Variants in SYTL5 observed in about 807,000 individuals in gnomAD.
The protein encoded by SYTL5 is synaptotagmin like 5, also known as synaptotagmin-like protein 5.
A neutral mutation model predicts 55.9 loss-of-function variants in SYTL5; 34 were observed. That is an observed-to-expected ratio of 0.61 (90% confidence interval 0.46 to 0.81). The LOEUF (loss-of-function observed/expected upper bound fraction) is 0.81. Ranked by LOEUF, SYTL5 falls within the 30% of genes least tolerant of loss-of-function variation. The pLI, the probability that SYTL5 is intolerant of heterozygous loss-of-function variation, is 0.00. For missense variants in SYTL5, 637 were observed against 546.7 expected, an observed-to-expected ratio of 1.17 and a Z score of -1.65; for synonymous variants, 221 against 188.7, an observed-to-expected ratio of 1.17 and a Z score of -1.40.
the SYTL5 span, among the ~76,000 whole-genome samples, chrX:37,992,706 A>G: frequency 8.9e-6 from 1 of 112,478 alleles, no homozygotes; most frequent in Non-Finnish European, 1.9e-5. Flanking sequence ...TCAGGTGACC[A>G]CTGGGGACTT....
chrX:37,989,552 G>A, the SYTL5 span, among the ~76,000 whole-genome samples: 5 of 111,746 alleles, frequency 4.5e-5, no homozygotes, highest in African/African-American at 1.3e-4. Context: ...ATCAAAGGGA[G>A]GAGTCTCAAG....
the SYTL5 span, among the ~76,000 whole-genome samples, chrX:37,901,485 C>T: frequency 8.9e-6 from 1 of 111,780 alleles, no homozygotes; most frequent in African/African-American, 3.3e-5. Context: ...AAACACAAAA[C>T]CTCCATTAAG....
At chrX:38,006,742 G>A (rs1934001412) in intron 1 of SYTL5, 74 bp downstream of exon 1, 2 of 111,337 alleles carry the variant, frequency 1.8e-5, no homozygotes. Flanking sequence ...GTGTGGTAGG[G>A]GAGTAGTGGG....
intron 14 of SYTL5, among the ~76,000 whole-genome samples, chrX:38,120,821 G>T (rs1037980156): frequency 9.0e-6 from 1 of 110,977 alleles, no homozygotes; most frequent in African/African-American, 3.3e-5. Flanking sequence ...GCTATTCAGG[G>T]AGTCTTGAGG....
At position 38,122,163 on chromosome X, in the gene SYTL5, A is replaced by G; in HGVS notation, c.1789A>G (p.Lys597Glu). 8.3e-7 allele frequency: 1 copy of G among 1,209,140 alleles called. No individual in the cohort carries two copies. Among genetic ancestry groups the G allele is most frequent in the Non-Finnish European group, 1.1e-6 (1 of 893,544 alleles). The change falls in exon 15 of 17, where the codon AAG (lysine) becomes GAG (glutamate). Residue 597 changes from lysine (K) to glutamate (E), a missense_variant. Transcript: ENST00000297875. ...GILEVFIKEA[K>E]NLTAVKSGGT... ...ACTAGAAGTGTTCATCAAAGAGGCA[A>G]AGAATTTGACAGCAGTGAAGTCAGG...
chrX:38,084,245 A>G (rs1326767596), intron 6 of SYTL5, among the ~76,000 whole-genome samples: 5 of 112,390 alleles, frequency 4.4e-5, no homozygotes, highest in Admixed American at 9.4e-5. Context: ...GGAGGGTGGT[A>G]CACACAGGGA....
the SYTL5 span, among the ~76,000 whole-genome samples, chrX:37,988,961 T>C: frequency 9.0e-6 from 1 of 111,577 alleles, no homozygotes. Context: ...AGGAAAGACA[T>C]AAATTGAGGG....
the SYTL5 span, among the ~76,000 whole-genome samples, chrX:37,936,305 A>G: frequency 8.9e-6 from 1 of 112,086 alleles, no homozygotes; most frequent in Non-Finnish European, 1.9e-5. Context: ...CATGCACTAG[A>G]AAAATTACAC....
chrX:38,007,910 T>C (rs976070843), intron 1 of SYTL5, among the ~76,000 whole-genome samples: 3 of 112,055 alleles, frequency 2.7e-5, no homozygotes, highest in Admixed American at 9.4e-5. Context: ...TGAAATTCTT[T>C]GCTATTTTAA....
chrX:37,901,833 G>T, the SYTL5 span, among the ~76,000 whole-genome samples: 1 of 111,542 alleles, frequency 9.0e-6, no homozygotes, highest in African/African-American at 3.3e-5. Context: ...TAAGTGTCTG[G>T]AGTTCAGGAG....
chrX:38,081,236 G>A, intron 6 of SYTL5, among the ~76,000 whole-genome samples: 1 of 111,446 alleles, frequency 9.0e-6, no homozygotes, highest in Non-Finnish European at 1.9e-5. Flanking sequence ...GGCAATCAAA[G>A]CCACAAGCTG....
chrX:38,054,589 T>G (rs1465508125), intron 3 of SYTL5, among the ~76,000 whole-genome samples, 167 bp downstream of exon 3: 42 of 84,221 alleles, frequency 5.0e-4, no homozygotes, highest in African/African-American at 2.1e-3. Context: ...CTGGGGTGTG[T>G]GTGTGTGTGT....
the SYTL5 span, among the ~76,000 whole-genome samples, chrX:37,963,441 A>G: frequency 9.1e-6 from 1 of 110,425 alleles, no homozygotes; most frequent in African/African-American, 3.3e-5. Context: ...GGCATGTGCC[A>G]ACACGCCCGG....
At chrX:38,021,889 G>A (rs1036237772) in intron 1 of SYTL5, among the ~76,000 whole-genome samples, 1 of 112,103 alleles carries the variant, frequency 8.9e-6, no homozygotes, top group African/African-American at 3.2e-5. Context: ...GCTGTTACAA[G>A]CTGTTGCAAT....
At chrX:38,046,505 C>G (rs1040406419) in intron 2 of SYTL5, among the ~76,000 whole-genome samples, 3 of 111,414 alleles carry the variant, frequency 2.7e-5, no homozygotes, top group Non-Finnish European at 5.7e-5. Flanking sequence ...GAAAGACCCA[C>G]CCAAATGATT....
At chrX:37,976,512 G>A in the SYTL5 span, among the ~76,000 whole-genome samples, 1 of 111,927 alleles carries the variant, frequency 8.9e-6, no homozygotes, top group South Asian at 3.7e-4. Flanking sequence ...CTCACTCCAT[G>A]ACGATGAAGT....
At chrX:38,060,438 T>C (rs1225612279) in intron 3 of SYTL5, among the ~76,000 whole-genome samples, 2 of 111,943 alleles carry the variant, frequency 1.8e-5, no homozygotes, top group African/African-American at 6.5e-5. Context: ...CTTTCTCCAC[T>C]AGAATGTAAG....
At chrX:37,889,418 G>A in the SYTL5 span, among the ~76,000 whole-genome samples, 104 of 111,907 alleles carry the variant, frequency 9.3e-4, no homozygotes, top group African/African-American at 2.8e-3. Flanking sequence ...AGTGGAGACA[G>A]CTCTTTTTGT....
chrX:37,986,481 C>T, the SYTL5 span, among the ~76,000 whole-genome samples: 4 of 112,052 alleles, frequency 3.6e-5, no homozygotes, highest in African/African-American at 1.3e-4. Context: ...ATAACATAAC[C>T]GATTAGGTCA....
Sources: gnomAD v4.1 joint callset for allele counts (sites outside exome capture counted in the v4.1 genomes callset) on GRCh38, gnomAD v4.1.1 for gene constraint, MANE v1.5 for transcripts, NCBI Gene and HGNC (gene_info 2026-07-23, HGNC 2026-07-21) for gene names.